ACOXL: variants seen among roughly 807,000 people sequenced by gnomAD.
ACOXL encodes acyl-CoA oxidase like, also known as acyl-coenzyme A oxidase-like protein.
ACOXL carries 70 observed loss-of-function variants against 71.9 expected under a neutral mutation model. The ratio of observed to expected loss-of-function variants is 0.97; its 90% CI spans 0.80 to 1.19. The LOEUF (loss-of-function observed/expected upper bound fraction) is 1.19, where lower values mean the gene tolerates loss of function less well. ACOXL is among the 50% of genes most tolerant of loss of function. The pLI, the probability that ACOXL is intolerant of heterozygous loss-of-function variation, is 0.00. For synonymous variants in ACOXL, 253 were observed against 281.6 expected (o/e 0.90, Z 1.02); for missense variants, 703 against 736.3 (o/e 0.95, Z 0.52).
rs920041990 is a variant in ACOXL, at chr2:110,886,054, A to T, written c.789-22735A>T. Among the ~76,000 whole-genome samples, 4 of 152,162 alleles carry T rather than the reference A, an allele frequency of 2.6e-5. No individual in the cohort carries two copies. In the East Asian group the frequency reaches 7.7e-4, roughly 29 times the overall value. ...TTTAAAAATTATTTTGTCCAGAAGT[A>T]TATTTTTGGGATTTTTATCTTTTGG... On this transcript the variant is annotated intron_variant, in intron 10 of 17. Transcript: ENST00000439055.
rs1161525235 is a variant in ACOXL, at chr2:110,904,026, T to C, written c.789-4763T>C. On this transcript the variant is annotated intron_variant, in intron 10 of 17. Transcript: ENST00000439055. ...CATCTTTGGGTGGGAGAAGCTTCAG[T>C]AGCCCTCAGTGTCATTCCTCCTTGG... is the stretch of plus-strand genomic sequence containing the variant. 2.6e-5 allele frequency among the ~76,000 whole-genome samples: 4 copies of C among 152,336 alleles called. No individual in the cohort carries two copies. The South Asian group carries it at 8.3e-4, about 32-fold the overall frequency.
intron 16 of ACOXL, among the ~76,000 whole-genome samples, chr2:111,051,252 T>C (rs886452914): frequency 3.3e-5 from 5 of 152,196 alleles, no homozygotes; most frequent in African/African-American, 1.2e-4. Context: ...GAAGGCACCA[T>C]GTGGGTGTGA....
chr2:111,080,806 C>T (rs1290250865), intron 16 of ACOXL, among the ~76,000 whole-genome samples: 1 of 152,184 alleles, frequency 6.6e-6, no homozygotes, highest in Non-Finnish European at 1.5e-5. Context: ...AACAGCACAT[C>T]AAAAAGCTTA....
At chr2:111,097,745 T>C (rs1314395561) in intron 17 of ACOXL, among the ~76,000 whole-genome samples, 1 of 152,216 alleles carries the variant, frequency 6.6e-6, no homozygotes, top group Non-Finnish European at 1.5e-5. Context: ...AAAAATAATG[T>C]AATATTGGGT....
chr2:110,896,433 T>C (rs1159359750), intron 10 of ACOXL, among the ~76,000 whole-genome samples: 1 of 152,118 alleles, frequency 6.6e-6, no homozygotes, highest in Non-Finnish European at 1.5e-5. Flanking sequence ...AAATAGAGCT[T>C]GACAAAGTGT....
chr2:111,023,396 A>T (rs1177221091), intron 14 of ACOXL, among the ~76,000 whole-genome samples: 2 of 152,182 alleles, frequency 1.3e-5, no homozygotes, highest in African/African-American at 2.4e-5. Flanking sequence ...GGCCTGATGC[A>T]TTCTGCAGAG....
chr2:110,985,566 G>C (rs1356859984), intron 12 of ACOXL, among the ~76,000 whole-genome samples: 1 of 152,102 alleles, frequency 6.6e-6, no homozygotes, highest in Non-Finnish European at 1.5e-5. Context: ...TGTCAGCCTC[G>C]AATGCAGATG....
intron 1 of ACOXL, among the ~76,000 whole-genome samples, chr2:110,758,823 A>C (rs1278673820): frequency 6.6e-6 from 1 of 152,206 alleles, no homozygotes; most frequent in Non-Finnish European, 1.5e-5. Context: ...AGTGCTATAA[A>C]GTTCCCTCTT....
intron 10 of ACOXL, among the ~76,000 whole-genome samples, chr2:110,893,814 C>T (rs2058890714): frequency 6.6e-6 from 1 of 152,000 alleles, no homozygotes; most frequent in Non-Finnish European, 1.5e-5. Flanking sequence ...TTTATTTTGA[C>T]ATTGAGATGT....
At position 111,118,143 on chromosome 2, in the gene ACOXL, G is replaced by A. The variant is rs1214064003; in HGVS notation, c.*327G>A. Reference sequence around the variant, plus strand: ...CCCGCTGCGAGCGCGCCCCACAGCCGGGTGCCGCCAAAGGTCTCCTGCTGT... The same window carrying A: ...CCCGCTGCGAGCGCGCCCCACAGCCAGGTGCCGCCAAAGGTCTCCTGCTGT... On this transcript the variant is annotated 3_prime_UTR_variant, in exon 18 of 18. Transcript: ENST00000439055. 1.5e-5 allele frequency: 7 copies of A among 457,750 alleles called. No homozygotes were observed. The highest frequency in any genetic ancestry group is 3.8e-5 in the Admixed American group (1 of 26,550). The allele number at this position is 457,750 out of a possible 1,614,324, so 28.4% of individuals were successfully genotyped here.
chr2:110,767,923 AACACACACACAC>A (rs58524964), intron 1 of ACOXL, among the ~76,000 whole-genome samples: 1,439 of 114,434 alleles, frequency 0.013, 27 homozygotes, highest in South Asian at 0.027. Context: ...GTCTCTACTA[AACACACACACAC>A]ACACACACAC....
intron 10 of ACOXL, among the ~76,000 whole-genome samples, chr2:110,890,137 T>C (rs978354924): frequency 1.3e-5 from 2 of 152,204 alleles, no homozygotes; most frequent in African/African-American, 2.4e-5. Context: ...TCTTTATCCA[T>C]GTTTAAAATT....
At chr2:111,039,403 C>G (rs1318349613) in intron 15 of ACOXL, among the ~76,000 whole-genome samples, 1 of 133,664 alleles carries the variant, frequency 7.5e-6, no homozygotes, top group Non-Finnish European at 1.7e-5. Context: ...ACATGAGAAC[C>G]AAAAAGAAAA....
At chr2:110,756,032 A>C (rs770213004) in intron 1 of ACOXL, among the ~76,000 whole-genome samples, 1 of 152,130 alleles carries the variant, frequency 6.6e-6, no homozygotes, top group Non-Finnish European at 1.5e-5. Flanking sequence ...TATAATTAGA[A>C]TTGTCTAACA....
intron 10 of ACOXL, among the ~76,000 whole-genome samples, chr2:110,875,485 A>C (rs1464289296): frequency 6.6e-6 from 1 of 152,252 alleles, no homozygotes; most frequent in East Asian, 1.9e-4. Context: ...CCCAGAAGTC[A>C]CCGACCCAGC....
chr2:111,054,366 A>G (rs2066433664), intron 16 of ACOXL, among the ~76,000 whole-genome samples: 2 of 152,210 alleles, frequency 1.3e-5, no homozygotes, highest in Admixed American at 1.3e-4. Flanking sequence ...TGGTGGTGCA[A>G]CAGATGATAC....
intron 1 of ACOXL, among the ~76,000 whole-genome samples, chr2:110,766,617 A>G (rs1311646187): frequency 6.6e-6 from 1 of 152,142 alleles, no homozygotes; most frequent in African/African-American, 2.4e-5. Context: ...AGAGGGGTGA[A>G]TTAAGTGCCA....
At chr2:111,070,607 T>C (rs1226063838) in intron 16 of ACOXL, among the ~76,000 whole-genome samples, 1 of 152,068 alleles carries the variant, frequency 6.6e-6, no homozygotes, top group African/African-American at 2.4e-5. Context: ...CAAGTTTACC[T>C]ATATTACAAA....
At chr2:110,846,054 A>G (rs1691799496) in intron 10 of ACOXL, among the ~76,000 whole-genome samples, 1 of 152,026 alleles carries the variant, frequency 6.6e-6, no homozygotes, top group Non-Finnish European at 1.5e-5. Context: ...TTGACCCCAA[A>G]CCCAGATGCC....
Sources: gnomAD v4.1 joint callset for allele counts (sites outside exome capture counted in the v4.1 genomes callset) on GRCh38, gnomAD v4.1.1 for gene constraint, MANE v1.5 for transcripts, NCBI Gene and HGNC (gene_info 2026-07-23, HGNC 2026-07-21) for gene names.